The following ROBO1 variants were observed in gnomAD, a reference collection of about 807,000 sequenced individuals.
ROBO1 encodes the protein roundabout guidance receptor 1, also known as roundabout homolog 1.
Under a neutral mutation model 195.9 loss-of-function variants are expected in ROBO1, and 149 were observed. The observed-to-expected ratio is 0.76, with a 90% CI of 0.67 to 0.87. The LOEUF is 0.87. ROBO1 is among the 40% of genes least tolerant of loss of function. The probability of loss-of-function intolerance (pLI) is 0.00; values close to 1 mark genes in which losing one functional copy is unlikely to be tolerated. For synonymous variants in ROBO1, 816 were observed against 733.2 expected, an observed-to-expected ratio of 1.11 and a Z score of -1.82; for missense variants, 1,933 against 2,068.3, an observed-to-expected ratio of 0.93 and a Z score of 1.27.
chr3:79,755,475 C>T (rs984075795), intron 1 of ROBO1, among the ~76,000 whole-genome samples: 1 of 152,058 alleles, frequency 6.6e-6, no homozygotes, highest in African/African-American at 2.4e-5. Context: ...AGATGAAAAG[C>T]TTTATCTTTG....
intron 2 of ROBO1, among the ~76,000 whole-genome samples, chr3:79,162,101 G>C (rs138261085): frequency 1.8e-3 from 280 of 152,000 alleles, no homozygotes; most frequent in African/African-American, 6.4e-3. Context: ...TGTCAGCAAT[G>C]TCTTGCCAAT....
intron 29 of ROBO1, among the ~76,000 whole-genome samples, chr3:78,604,991 C>T (rs1343720352): frequency 6.6e-6 from 1 of 152,140 alleles, no homozygotes; most frequent in East Asian, 1.9e-4. Flanking sequence ...AAACTCTATC[C>T]CAAGATTTCC....
intron 2 of ROBO1, among the ~76,000 whole-genome samples, chr3:79,461,479 T>G (rs1469898070): frequency 6.6e-6 from 1 of 152,124 alleles, no homozygotes; most frequent in Non-Finnish European, 1.5e-5. Flanking sequence ...TCTAGAGGTC[T>G]CCCCTAAGGC....
chr3:79,747,632 T>G, intron 1 of ROBO1, among the ~76,000 whole-genome samples: 1 of 151,998 alleles, frequency 6.6e-6, no homozygotes, highest in East Asian at 1.9e-4. Flanking sequence ...CCTCTGAGCA[T>G]AATATTTTCT....
At chr3:78,716,352 G>T (rs529712625) in intron 7 of ROBO1, among the ~76,000 whole-genome samples, 2 of 151,870 alleles carry the variant, frequency 1.3e-5, no homozygotes, top group East Asian at 3.9e-4. Flanking sequence ...CAATCATGGC[G>T]GAAGGCACCT....
chr3:79,550,446 G>A (rs987815790), intron 2 of ROBO1, among the ~76,000 whole-genome samples: 13 of 152,094 alleles, frequency 8.5e-5, no homozygotes, highest in Admixed American at 5.9e-4. Context: ...AGGAGCATGC[G>A]ATGCACTTTA....
At chr3:79,298,050 TG>T (rs1214473890) in intron 2 of ROBO1, among the ~76,000 whole-genome samples, 2 of 152,130 alleles carry the variant, frequency 1.3e-5, no homozygotes, top group Non-Finnish European at 2.9e-5. Context: ...CAGGAATTAG[TG>T]AAATAGAGAA....
intron 2 of ROBO1, among the ~76,000 whole-genome samples, chr3:79,129,711 C>G (rs369976202): frequency 6.6e-6 from 1 of 152,056 alleles, no homozygotes; most frequent in African/African-American, 2.4e-5. Flanking sequence ...AATACAGCTA[C>G]CTAACATATG....
rs201624352 is a variant in ROBO1 at position 78,877,461 on chromosome 3, G to GA, written c.499+61139dup. On this transcript the variant is annotated intron_variant, in intron 4 of 30. Coordinates refer to ENST00000464233, the MANE Select transcript of ROBO1 (RefSeq NM_002941.4). Reference sequence around the variant, plus strand: ...ATCCCTAAAATAAATCTAATTGAATGAAAAAAAAATAGTACATTGGCTTAG... The same window carrying GA: ...ATCCCTAAAATAAATCTAATTGAATGAAAAAAAAAATAGTACATTGGCTTAG... 2.9e-3 allele frequency among the ~76,000 whole-genome samples: 423 copies of GA among 146,560 alleles called. 2 individuals are homozygous for GA. The highest frequency in any genetic ancestry group is 0.024 in the East Asian group (122 of 5,032).
intron 1 of ROBO1, among the ~76,000 whole-genome samples, chr3:79,736,382 A>G (rs559186761): frequency 6.6e-5 from 10 of 152,328 alleles, no homozygotes; most frequent in African/African-American, 2.4e-4. Context: ...TGCAAAGGTT[A>G]GGCACAGGAA....
chr3:79,330,367 G>C (rs2034390322), intron 2 of ROBO1, among the ~76,000 whole-genome samples: 1 of 149,746 alleles, frequency 6.7e-6, no homozygotes, highest in South Asian at 2.1e-4. Flanking sequence ...ACCACAGTTT[G>C]GCAAACTAAG....
At chr3:79,648,594 G>T (rs1560068395) in intron 1 of ROBO1, among the ~76,000 whole-genome samples, 1 of 151,994 alleles carries the variant, frequency 6.6e-6, no homozygotes, top group African/African-American at 2.4e-5. Context: ...ATTTAGAAAT[G>T]AGAGAAAAGA....
chr3:79,765,771 A>C (rs1027924208), intron 1 of ROBO1, among the ~76,000 whole-genome samples: 1 of 152,118 alleles, frequency 6.6e-6, no homozygotes, highest in East Asian at 1.9e-4. Context: ...ATTTCCTTTG[A>C]TGTGTAGCCT....
At chr3:79,503,544 T>C (rs1279131115) in intron 2 of ROBO1, among the ~76,000 whole-genome samples, 2 of 152,160 alleles carry the variant, frequency 1.3e-5, no homozygotes, top group Non-Finnish European at 2.9e-5. Flanking sequence ...CTTGGGTAAG[T>C]CACTTTAATG....
chr3:79,387,681 T>C (rs1196385465), intron 2 of ROBO1, among the ~76,000 whole-genome samples: 1 of 134,778 alleles, frequency 7.4e-6, no homozygotes, highest in Non-Finnish European at 1.6e-5. Flanking sequence ...AACAAATATG[T>C]AATAAGTACT....
chr3:79,058,234 T>C (rs957430993), intron 3 of ROBO1, among the ~76,000 whole-genome samples: 1 of 152,042 alleles, frequency 6.6e-6, no homozygotes, highest in Non-Finnish European at 1.5e-5. Flanking sequence ...GTAATAGACA[T>C]GGCACCAAAG....
intron 4 of ROBO1, among the ~76,000 whole-genome samples, chr3:78,776,696 T>A (rs1559844443): frequency 6.6e-6 from 1 of 152,212 alleles, no homozygotes; most frequent in South Asian, 2.1e-4. Flanking sequence ...TACGTTAGAA[T>A]GTAGAAATAT....
intron 3 of ROBO1, among the ~76,000 whole-genome samples, chr3:79,004,866 G>T (rs561280698): frequency 1.3e-5 from 2 of 152,140 alleles, no homozygotes; most frequent in Non-Finnish European, 2.9e-5. Flanking sequence ...CTATTTCTAT[G>T]GTTCACAAAG....
intron 3 of ROBO1, among the ~76,000 whole-genome samples, chr3:79,013,031 G>C (rs895919500): frequency 2.6e-5 from 4 of 152,024 alleles, no homozygotes; most frequent in Admixed American, 6.6e-5. Flanking sequence ...TGATCAACCA[G>C]GTATTAAGGC....
Sources: allele counts gnomAD v4.1 joint callset (sites outside exome capture counted in the v4.1 genomes callset), GRCh38; gene constraint gnomAD v4.1.1; transcripts MANE v1.5; gene names NCBI Gene and HGNC (gene_info 2026-07-23, HGNC 2026-07-21).